Variants in RBM6 observed in about 807,000 individuals in gnomAD.
RBM6 encodes the protein RNA-binding protein 6.
RBM6 carries 23 observed loss-of-function variants against 140.4 expected under a neutral mutation model. The observed-to-expected ratio is 0.16, with a 90% CI of 0.12 to 0.23. The LOEUF (loss-of-function observed/expected upper bound fraction) is 0.23, where lower values mean the gene tolerates loss of function less well. Among genes scored for constraint, RBM6 ranks in the 10% least tolerant of loss-of-function variants. The probability of loss-of-function intolerance (pLI) is 1.00; values close to 1 mark genes in which losing one functional copy is unlikely to be tolerated. For missense variants in RBM6, 1,139 were observed against 1,386.7 expected (o/e 0.82, Z 2.84); for synonymous variants, 439 against 475.6 (o/e 0.92, Z 1.00).
chr3:50,043,740 C>T (rs2108866200), intron 6 of RBM6, among the ~76,000 whole-genome samples: 1 of 151,928 alleles, frequency 6.6e-6, no homozygotes, highest in Middle Eastern at 3.4e-3. Flanking sequence ...TGTGCCACCA[C>T]ACCCAGCTCA....
intron 6 of RBM6, among the ~76,000 whole-genome samples, chr3:50,047,896 C>T (rs997893142): frequency 2.6e-5 from 4 of 152,318 alleles, no homozygotes; most frequent in African/African-American, 9.6e-5. Flanking sequence ...TGATAGTGTG[C>T]TAGCTCCTGA....
chr3:49,973,960 C>T (rs1298719608), intron 4 of RBM6, among the ~76,000 whole-genome samples: 1 of 151,958 alleles, frequency 6.6e-6, no homozygotes, highest in African/African-American at 2.4e-5. Flanking sequence ...TGCAGTGGCA[C>T]AATCTTGGGT....
rs986940030 is a variant in RBM6 at position 49,949,031 on chromosome 3, AT to A, written c.-67+8807del. Among the ~76,000 whole-genome samples, 11 of 150,926 alleles carry A rather than the reference AT, an allele frequency of 7.3e-5. 1 individual carries two copies. Among genetic ancestry groups the A allele is most frequent in the African/African-American group, 2.4e-5 (1 of 41,134 alleles). ...TTTTTAGTAGAGATGGAGTTTCACTATATTGGCCAGGCTGGTCTCAAATTTC... is the reference window on the plus strand; with the variant it reads ...TTTTTAGTAGAGATGGAGTTTCACTAATTGGCCAGGCTGGTCTCAAATTTC... On this transcript the variant is annotated intron_variant, in intron 1 of 20. Transcript: ENST00000266022.
At chr3:49,977,697 C>G (rs2085119699) in intron 5 of RBM6, among the ~76,000 whole-genome samples, 1 of 152,190 alleles carries the variant, frequency 6.6e-6, no homozygotes, top group African/African-American at 2.4e-5. Context: ...GATTTCCCCT[C>G]AGGTGAGGAA....
At chr3:50,054,554 G>A (rs949054328) in intron 8 of RBM6, among the ~76,000 whole-genome samples, 159 bp downstream of exon 8, 11 of 150,314 alleles carry the variant, frequency 7.3e-5, no homozygotes, top group African/African-American at 2.7e-4. Flanking sequence ...TGCCCAGGCT[G>A]GAGTGCAGTG....
intron 6 of RBM6, among the ~76,000 whole-genome samples, chr3:50,033,282 G>T (rs1156502826): frequency 6.6e-6 from 1 of 152,114 alleles, no homozygotes; most frequent in Non-Finnish European, 1.5e-5. Context: ...GGGTGACAGA[G>T]TGAGACTCTG....
At chr3:50,057,653 C>A (rs1464306258) in intron 8 of RBM6, 75 bp from the exon 9 acceptor site, 72 of 1,262,762 alleles carry the variant, frequency 5.7e-5, no homozygotes, top group South Asian at 3.4e-4. Flanking sequence ...GGAGAAATTA[C>A]AGTAGCAGTG....
intron 11 of RBM6, 37 bp from the exon 12 acceptor site, chr3:50,060,919 G>T: frequency 6.6e-7 from 1 of 1,526,152 alleles, no homozygotes; most frequent in Non-Finnish European, 8.8e-7. Context: ...ATGCCACTTG[G>T]TAGCAGCCTT....
intron 3 of RBM6, among the ~76,000 whole-genome samples, chr3:49,971,428 G>A (rs183936422): frequency 3.6e-4 from 54 of 150,310 alleles, no homozygotes; most frequent in Admixed American, 1.5e-3. Context: ...CTGGGCGACA[G>A]AGCGACACTC....
intron 6 of RBM6, among the ~76,000 whole-genome samples, chr3:50,005,225 G>A (rs11130239): frequency 0.07 from 10,633 of 151,624 alleles, 389 homozygotes; most frequent in Non-Finnish European, 0.077. Context: ...AGCCAGGTGT[G>A]ATGGCTCACA....
At chr3:49,999,652 T>A in intron 6 of RBM6, 139 bp downstream of exon 6, 1 of 737,800 alleles carries the variant, frequency 1.4e-6, no homozygotes. Context: ...CCATCGGTTG[T>A]GAGGAAAATC....
rs755153821 is a variant in RBM6, at chr3:49,945,742, C to T, written c.-67+5517C>T. ...CTAAAAATACAAAACATTAACCGGG[C>T]GTGGCGGCATGCACCTGTAGTCCCA... On this transcript the variant is annotated intron_variant, in intron 1 of 20. Coordinates refer to ENST00000266022, the MANE Select transcript of RBM6 (RefSeq NM_005777.3). Among the ~76,000 whole-genome samples the T allele has an allele frequency of 7.9e-5, 12 of 151,708 alleles. No homozygotes were observed. The South Asian group carries it at 8.4e-4, about 11-fold the overall frequency.
At chr3:49,976,072 T>C (rs934512560) in intron 5 of RBM6, among the ~76,000 whole-genome samples, 1 of 152,146 alleles carries the variant, frequency 6.6e-6, no homozygotes, top group African/African-American at 2.4e-5. Flanking sequence ...TTTAGAACTA[T>C]GTATAATAAT....
rs759211587 is a variant in RBM6, at chr3:49,968,329, G to C, written c.904G>C (p.Asp302His). Residue 302 changes from aspartate to histidine, a missense_variant, in exon 3 of 21, where the codon GAT becomes CAT. Around this residue, in one of 9 missense-constraint regions of RBM6, gnomAD observed 566 missense variants for 612.7 expected, o/e 0.92. Transcript: ENST00000266022. ...GGATTACATTCAGCCCTCTACACAA[G>C]ATAGAGAACATTCTGGTATGAATGT... ...ILDYIQPSTQ[D>H]REHSGMNVNR... 6.2e-7 allele frequency: 1 copy of C among 1,614,194 alleles called. No homozygotes were observed. The highest frequency in any genetic ancestry group is 8.5e-7 in the Non-Finnish European group (1 of 1,180,038).
At chr3:50,051,687 A>T (rs753562937) in intron 7 of RBM6, among the ~76,000 whole-genome samples, 6 of 152,238 alleles carry the variant, frequency 3.9e-5, no homozygotes, top group Non-Finnish European at 8.8e-5. Flanking sequence ...ACCTATTAAA[A>T]TTTTTTTGTA....
chr3:49,969,324 G>GT (rs528548144), intron 3 of RBM6, among the ~76,000 whole-genome samples: 3,938 of 122,066 alleles, frequency 0.032, 175 homozygotes, highest in African/African-American at 0.099. Context: ...TGCCTGGCCA[G>GT]TTTTTTTTTT....
chr3:50,026,274 G>A (rs2087813339), intron 6 of RBM6, among the ~76,000 whole-genome samples: 1 of 151,516 alleles, frequency 6.6e-6, no homozygotes. Context: ...TAGTAGACAG[G>A]GTTTCACCAT....
At chr3:49,964,558 AGAGT>A (rs1260527375) in intron 2 of RBM6, among the ~76,000 whole-genome samples, 2 of 152,216 alleles carry the variant, frequency 1.3e-5, no homozygotes, top group Non-Finnish European at 2.9e-5. Flanking sequence ...CTATGATGGC[AGAGT>A]TGAATAGTTG....
At chr3:49,993,338 G>C (rs2085915543) in intron 5 of RBM6, among the ~76,000 whole-genome samples, 1 of 152,112 alleles carries the variant, frequency 6.6e-6, no homozygotes, top group African/African-American at 2.4e-5. Context: ...AAATAAGATA[G>C]ATCCACGTGT....
Sources: allele counts gnomAD v4.1 joint callset (sites outside exome capture counted in the v4.1 genomes callset), GRCh38; gene constraint gnomAD v4.1.1; regional missense constraint gnomAD v4.1.1; transcripts MANE v1.5; gene names NCBI Gene and HGNC (gene_info 2026-07-23, HGNC 2026-07-21).